Variants in GRM5 observed in about 807,000 individuals in gnomAD.
The protein encoded by GRM5 is metabotropic glutamate receptor 5.
A neutral mutation model predicts 83.1 loss-of-function variants in GRM5; 19 were observed. That is an observed-to-expected ratio of 0.23 (90% CI 0.16 to 0.34). The LOEUF is 0.34. GRM5 is among the 10% of genes least tolerant of loss of function. GRM5 has a pLI of 1.00. For missense variants in GRM5, 1,160 were observed against 1,588.3 expected (o/e 0.73, Z 4.58); for synonymous variants, 675 against 633.6 (o/e 1.07, Z -0.98).
chr11:88,559,089 C>T (rs935299906), intron 8 of GRM5, among the ~76,000 whole-genome samples: 22 of 152,028 alleles, frequency 1.4e-4, no homozygotes, highest in Admixed American at 5.9e-4. Flanking sequence ...ATTTTATTCT[C>T]ATAAAGAAAA....
rs114504621 is a variant in GRM5 at position 88,991,089 on chromosome 11, G to A, written c.661+56123C>T. Among the ~76,000 whole-genome samples the A allele has an allele frequency of 2.3e-3, 352 of 152,256 alleles. 3 individuals are homozygous for A. Among genetic ancestry groups the A allele is most frequent in the African/African-American group, 8.0e-3 (331 of 41,530 alleles). ...AGTCTGATTGTCCCTCTTTGCAGAC[G>A]ACATGATTGTGTATCTAGACAACCC... On this transcript the variant is annotated intron_variant, in intron 2 of 9. Coordinates refer to ENST00000305447, the MANE Select transcript of GRM5 (RefSeq NM_001143831.3).
intron 3 of GRM5, among the ~76,000 whole-genome samples, chr11:88,789,307 A>G (rs558509935): frequency 1.6e-4 from 25 of 152,242 alleles, no homozygotes; most frequent in South Asian, 4.1e-4. Flanking sequence ...GATGAGATCA[A>G]TTGTCAAGGT....
intron 2 of GRM5, among the ~76,000 whole-genome samples, chr11:89,026,564 C>G (rs560415606): frequency 6.6e-6 from 1 of 152,266 alleles, no homozygotes; most frequent in South Asian, 2.1e-4. Flanking sequence ...CTTATTTTCT[C>G]TGTACCTTAG....
rs376724311 is a variant in GRM5, at chr11:88,732,947, A to T, written c.912-79544T>A. Among the ~76,000 whole-genome samples, 8 of 152,120 alleles carry T rather than the reference A, an allele frequency of 5.3e-5. No homozygotes were observed. The South Asian group carries it at 1.5e-3, about 28-fold the overall frequency. On this transcript the variant is annotated intron_variant, in intron 3 of 9. Transcript: ENST00000305447. Reference sequence around the variant, plus strand: ...GCCAAAGAAGACTTTCAAAGCAATGATTTCTTCAGTGCATTTTCCGTTTGT... The same window carrying T: ...GCCAAAGAAGACTTTCAAAGCAATGTTTTCTTCAGTGCATTTTCCGTTTGT...
chr11:88,836,526 G>A (rs138474196), intron 3 of GRM5, among the ~76,000 whole-genome samples: 4 of 152,250 alleles, frequency 2.6e-5, no homozygotes, highest in African/African-American at 4.8e-5. Flanking sequence ...CAGGCCAGGC[G>A]CGGTGGCTTA....
intron 2 of GRM5, among the ~76,000 whole-genome samples, chr11:88,987,176 G>T (rs1939749738): frequency 6.6e-6 from 1 of 152,146 alleles, no homozygotes; most frequent in Non-Finnish European, 1.5e-5. Flanking sequence ...CCGAAGCAGG[G>T]TGAGGCATTG....
rs182567965 is a variant in GRM5, at chr11:89,030,083, T to C, written c.661+17129A>G. Among the ~76,000 whole-genome samples, 29 of 152,310 alleles carry C rather than the reference T, an allele frequency of 1.9e-4. No individual in the cohort carries two copies. In the East Asian group the frequency reaches 5.2e-3, roughly 27 times the overall value. Reference sequence around the variant, plus strand: ...CAAAGCATGACATTAGTATAAAATCTATTAACCAGAATTCATCTTTTTTCA... The same window carrying C: ...CAAAGCATGACATTAGTATAAAATCCATTAACCAGAATTCATCTTTTTTCA... On this transcript the variant is annotated intron_variant, in intron 2 of 9. Coordinates refer to ENST00000305447, the MANE Select transcript of GRM5 (RefSeq NM_001143831.3).
At chr11:88,513,933 AT>A (rs5793327) in intron 9 of GRM5, among the ~76,000 whole-genome samples, 106,495 of 151,190 alleles carry the variant, frequency 0.7, 37,449 homozygotes, top group African/African-American at 0.76. Context: ...TTAGGCTGAG[AT>A]TTTTTTTTCA....
At chr11:88,795,700 GAGGCTGTATA>G (rs963234851) in intron 3 of GRM5, among the ~76,000 whole-genome samples, 17 of 152,138 alleles carry the variant, frequency 1.1e-4, no homozygotes, top group African/African-American at 2.9e-4. Context: ...AAGGCTTAAA[GAGGCTGTATA>G]ATTTGCCAAA....
chr11:88,855,276 C>A (rs942216988), intron 2 of GRM5, among the ~76,000 whole-genome samples: 1 of 151,794 alleles, frequency 6.6e-6, no homozygotes, highest in African/African-American at 2.4e-5. Flanking sequence ...TTTTCCCAAA[C>A]CCTACCAACC....
In GRM5 at chr11:88,850,109, C is replaced by A. The variant is rs573033128; in HGVS notation, c.708G>T (p.Ala236=). The A allele has an allele frequency of 5.1e-6, 7 of 1,379,114 alleles. No individual in the cohort carries two copies. Among genetic ancestry groups the A allele is most frequent in the South Asian group, 1.2e-5 (1 of 86,438 alleles). The allele number at this position is 1,379,114 out of a possible 1,614,324, so 85.4% of individuals were successfully genotyped here. A position where few individuals can be genotyped will look rare whatever the true frequency, so the allele number is the denominator to read the frequency against. The change falls in exon 3 of 10, where the codon GCG becomes GCT. Residue 236 remains alanine (A), a synonymous_variant. Transcript: ENST00000305447. ...SGMEAFKDMS[A]KEGICIAHSY... is the part of the protein sequence containing the mutation. ...AGTGGGCGATGCAAATCCCTTCCTT[C>A]GCTGACATATCTTTGAAGGCTTCCA...
intron 9 of GRM5, among the ~76,000 whole-genome samples, chr11:88,516,052 C>T (rs1424922283): frequency 6.6e-6 from 1 of 152,148 alleles, no homozygotes; most frequent in Non-Finnish European, 1.5e-5. Flanking sequence ...TACTTATTTA[C>T]AAGTCTGTTC....
chr11:88,803,617 A>C (rs1434158232), intron 3 of GRM5, among the ~76,000 whole-genome samples: 1 of 152,242 alleles, frequency 6.6e-6, no homozygotes, highest in African/African-American at 2.4e-5. Flanking sequence ...TTCAGGACAT[A>C]GGCATGGGCA....
intron 3 of GRM5, among the ~76,000 whole-genome samples, chr11:88,700,643 T>C (rs1477770488): frequency 6.6e-6 from 1 of 152,186 alleles, no homozygotes; most frequent in East Asian, 1.9e-4. Flanking sequence ...AGAACCACTA[T>C]GGCAGCTCAT....
intron 2 of GRM5, among the ~76,000 whole-genome samples, chr11:88,997,532 A>G (rs1379638579): frequency 6.6e-6 from 1 of 152,048 alleles, no homozygotes; most frequent in African/African-American, 2.4e-5. Flanking sequence ...AAAATTGACA[A>G]TCCTCTAAGA....
At chr11:88,845,423 CTTTTTTTTTTT>C (rs71046265) in intron 3 of GRM5, among the ~76,000 whole-genome samples, 41,822 of 92,516 alleles carry the variant, frequency 0.45, 7,469 homozygotes, top group East Asian at 0.58. Flanking sequence ...ATAAACATAA[CTTTTTTTTTTT>C]TTTTTTTTTT....
chr11:88,568,424 C>T (rs1942917198), intron 7 of GRM5, among the ~76,000 whole-genome samples: 1 of 152,064 alleles, frequency 6.6e-6, no homozygotes, highest in Admixed American at 6.6e-5. Flanking sequence ...GCTTGGCAAA[C>T]TTACAGTTAA....
intron 4 of GRM5, among the ~76,000 whole-genome samples, chr11:88,610,237 A>T (rs1360114805): frequency 6.6e-6 from 1 of 151,994 alleles, no homozygotes; most frequent in Non-Finnish European, 1.5e-5. Flanking sequence ...TAGGATGCAC[A>T]TTTCTAATTC....
At chr11:88,889,341 A>G (rs1185982512) in intron 2 of GRM5, among the ~76,000 whole-genome samples, 3 of 151,844 alleles carry the variant, frequency 2.0e-5, no homozygotes, top group Admixed American at 6.6e-5. Context: ...ATGGACAAGG[A>G]CAGCTCGCAG....
Sources: gnomAD v4.1 joint callset for allele counts (sites outside exome capture counted in the v4.1 genomes callset) on GRCh38, gnomAD v4.1.1 for gene constraint, MANE v1.5 for transcripts, NCBI Gene and HGNC (gene_info 2026-07-23, HGNC 2026-07-21) for gene names.